The following MCFD2 variants were observed in gnomAD, a reference collection of about 807,000 sequenced individuals.
The protein encoded by MCFD2 is multiple coagulation factor deficiency 2, ER cargo receptor complex subunit.
MCFD2 carries 11 observed loss-of-function variants against 12.8 expected under a neutral mutation model. The ratio of observed to expected loss-of-function variants is 0.86; its 90% CI spans 0.54 to 1.42. The LOEUF is 1.42. Among genes scored for constraint, MCFD2 ranks in the 40% most tolerant of loss-of-function variants. The pLI is 0.00. For synonymous variants in MCFD2, 70 were observed against 68.1 expected, an observed-to-expected ratio of 1.03 and a Z score of -0.14; for missense variants, 191 against 178.6, an observed-to-expected ratio of 1.07 and a Z score of -0.40.
chr2:46,919,882 T>C (rs1669007847), upstream of MCFD2, among the ~76,000 whole-genome samples: 2 of 152,262 alleles, frequency 1.3e-5, no homozygotes, highest in South Asian at 4.1e-4. Context: ...GAGGGTGACC[T>C]CAATGGGTTG....
At chr2:46,921,748 C>T (rs769188323) in intron 1 of MCFD2, among the ~76,000 whole-genome samples, 8 of 152,204 alleles carry the variant, frequency 5.3e-5, no homozygotes, top group Non-Finnish European at 8.8e-5. Context: ...TGAAACTGTT[C>T]TACCTCAGAT....
At chr2:46,926,238 C>T (rs777379548) in intron 1 of MCFD2, among the ~76,000 whole-genome samples, 4 of 152,138 alleles carry the variant, frequency 2.6e-5, no homozygotes, top group Non-Finnish European at 4.4e-5. Flanking sequence ...GCTAGATGGT[C>T]GGGGAGACAT....
rs201137824 is a variant in MCFD2 at position 46,909,063 on chromosome 2, C to T, written c.109G>A (p.Gly37Ser). Reference protein sequence around the residue: ...EEPAASFSQPGSMGLDKNTVH... With the variant: ...EEPAASFSQPSSMGLDKNTVH... ...GTGTTCTTATCCAGGCCCATGCTGC[C>T]GGGTTGGGAGAAGCTGGCTGCAGGC... Residue 37 changes from glycine to serine, a missense_variant, in exon 2 of 4, where the codon GGC becomes AGC. Gly to Ser is a moderately conservative substitution (Grantham distance 56). Transcript: ENST00000319466. The T allele has an allele frequency of 4.3e-6, 7 of 1,614,174 alleles. No homozygotes were observed. Among genetic ancestry groups the T allele is most frequent in the Middle Eastern group, 1.6e-4 (1 of 6,062 alleles).
Position 46,941,335 on chromosome 2 carries a change from G to A in MCFD2, c.-8+237C>T, listed in dbSNP as rs1055048359. 2.8e-5 allele frequency: 7 copies of A among 250,836 alleles called. No homozygotes were observed. The highest frequency in any genetic ancestry group is 1.4e-4 in the African/African-American group (6 of 43,766). The allele number at this position is 250,836 out of a possible 1,614,324, so 15.5% of individuals were successfully genotyped here. On this transcript the variant is annotated intron_variant, in intron 1 of 2. Transcript: ENST00000409147. This position sits in a 1 kb window ranked among gnomAD's most constrained non-coding sequence, Gnocchi z 4.2. The stretch of plus-strand genomic sequence containing the variant: ...CGCTCGGCCGGAGCCGCAGCCCGGA[G>A]GCGCCGGGCGGTGCGCTGGGAGCTG...
chr2:46,939,422 G>A lies in MCFD2; in HGVS notation c.-8+2150C>T, dbSNP rs368653033. ...CTGGAAAATAGCTGTGAAGGGGTCCGGCGTATGTTGAGGAAGAGCTCATTA... is the reference window on the plus strand; with the variant it reads ...CTGGAAAATAGCTGTGAAGGGGTCCAGCGTATGTTGAGGAAGAGCTCATTA... On this transcript the variant is annotated intron_variant, in intron 1 of 2. Coordinates refer to the MCFD2 transcript ENST00000409147. 1.3e-5 allele frequency among the ~76,000 whole-genome samples: 2 copies of A among 152,248 alleles called. 1 individual carries two copies. Among genetic ancestry groups the A allele is most frequent in the African/African-American group, 4.8e-5 (2 of 41,540 alleles).
chr2:46,936,810 C>T (rs1558483743), intron 1 of MCFD2, among the ~76,000 whole-genome samples: 2 of 151,332 alleles, frequency 1.3e-5, no homozygotes, highest in East Asian at 1.9e-4. Context: ...CAGTGGTCTT[C>T]TTTTTTTTCA....
intron 1 of MCFD2, among the ~76,000 whole-genome samples, chr2:46,914,790 A>G (rs1668638475): frequency 6.6e-6 from 1 of 152,250 alleles, no homozygotes; most frequent in African/African-American, 2.4e-5. Context: ...ACAGTGCCTC[A>G]GACATAGCGA....
At chr2:46,915,624 C>G in intron 1 of MCFD2, 99 bp downstream of exon 1, 1 of 330,030 alleles carries the variant, frequency 3.0e-6, no homozygotes, top group African/African-American at 2.2e-5. Flanking sequence ...AGCCCGCGCC[C>G]CCAGACTACT....
chr2:46,905,618 G>A (rs778132187), intron 3 of MCFD2, 24 bp from the exon 4 acceptor site: 3 of 1,533,954 alleles, frequency 2.0e-6, no homozygotes, highest in South Asian at 2.2e-5. Context: ...ATTAGACAAT[G>A]ATGAGTTGCG....
Position 46,908,078 on chromosome 2 carries a change from A to C in MCFD2, c.150-109T>G. ...CTTAAACTTCCTCCAGCTCAGAAAA[A>C]CAAACACCAGCAGTGGCAGACCACA... On this transcript the variant is annotated intron_variant, in intron 2 of 3. Transcript: ENST00000319466. The surrounding 1 kb of genome is among the most constrained non-coding windows in gnomAD (Gnocchi z 4.5). 2 of 1,233,036 alleles carry C rather than the reference A, an allele frequency of 1.6e-6. No homozygotes were observed. The highest frequency in any genetic ancestry group is 2.3e-6 in the Non-Finnish European group (2 of 861,418). The allele number at this position is 1,233,036 out of a possible 1,614,324, so 76.4% of individuals were successfully genotyped here. A position where few individuals can be genotyped will look rare whatever the true frequency, so the allele number is the denominator to read the frequency against.
intron 1 of MCFD2, among the ~76,000 whole-genome samples, chr2:46,911,482 C>T (rs1668484463): frequency 6.6e-6 from 1 of 150,686 alleles, no homozygotes; most frequent in East Asian, 1.9e-4. Context: ...ATATGTCATA[C>T]TTAATAGGAA....
At chr2:46,906,004 C>T (rs532868230) in intron 3 of MCFD2, 55 of 471,834 alleles carry the variant, frequency 1.2e-4, no homozygotes, top group Admixed American at 7.0e-4. Context: ...GAAACAGTGA[C>T]GAATTGGACA....
chr2:46,925,365 C>T (rs929116543), intron 1 of MCFD2, among the ~76,000 whole-genome samples: 2 of 152,090 alleles, frequency 1.3e-5, no homozygotes, highest in African/African-American at 4.8e-5. Context: ...CGAGACTAAC[C>T]TAGCCAACAT....
intron 1 of MCFD2, among the ~76,000 whole-genome samples, chr2:46,911,489 G>A (rs751454079): frequency 1.3e-5 from 2 of 151,232 alleles, no homozygotes; most frequent in Non-Finnish European, 1.5e-5. Flanking sequence ...ATACTTAATA[G>A]GAAAGAATGC....
At chr2:46,906,201 C>T (rs1301239215) in intron 3 of MCFD2, among the ~76,000 whole-genome samples, 1 of 152,194 alleles carries the variant, frequency 6.6e-6, no homozygotes, top group Admixed American at 6.5e-5. Flanking sequence ...GTCACCACCA[C>T]TATCCTCATC....
chr2:46,915,217 T>C (rs1221624617), intron 1 of MCFD2, among the ~76,000 whole-genome samples: 1 of 152,102 alleles, frequency 6.6e-6, no homozygotes, highest in African/African-American at 2.4e-5. Flanking sequence ...AGGGATTCGA[T>C]GTGGGTGGGT....
chr2:46,913,223 GA>G (rs1159968421), intron 1 of MCFD2, among the ~76,000 whole-genome samples: 1 of 151,862 alleles, frequency 6.6e-6, no homozygotes, highest in Non-Finnish European at 1.5e-5. Context: ...TAAACATAAA[GA>G]AAAAAAATTC....
Position 46,940,886 on chromosome 2 carries a change from G to T in MCFD2, c.-8+686C>A, listed in dbSNP as rs1670273129. Among the ~76,000 whole-genome samples the T allele has an allele frequency of 6.6e-6, 1 of 152,132 alleles. No individual in the cohort carries two copies. Among genetic ancestry groups the T allele is most frequent in the African/African-American group, 2.4e-5 (1 of 41,450 alleles). On this transcript the variant is annotated intron_variant, in intron 1 of 2. Transcript: ENST00000409147. This position sits in a 1 kb window ranked among gnomAD's most constrained non-coding sequence, Gnocchi z 4.7. ...TCCCCATTTTTGTGACGTGTCAGGG[G>T]CAGCAGCGGTGACGGGGCCACCACA...
chr2:46,905,693 A>AT (rs1362704038), intron 3 of MCFD2, 99 bp from the exon 4 acceptor site: 3 of 625,142 alleles, frequency 4.8e-6, no homozygotes, highest in Non-Finnish European at 7.8e-6. Flanking sequence ...GGCACTGTTT[A>AT]TTAAAAAAAA....
Sources: gnomAD v4.1 joint callset for allele counts (sites outside exome capture counted in the v4.1 genomes callset) on GRCh38, gnomAD v4.1.1 for gene constraint, Gnocchi (gnomAD v3.1) non-coding constraint, MANE v1.5 for transcripts, NCBI Gene and HGNC (gene_info 2026-07-23, HGNC 2026-07-21) for gene names.